Variants in SNX13 observed in about 807,000 individuals in gnomAD.
SNX13 encodes sorting nexin 13, also known as sorting nexin-13.
SNX13 carries 45 observed loss-of-function variants against 133.6 expected under a neutral mutation model. That is an observed-to-expected ratio of 0.34 (90% CI 0.27 to 0.43). SNX13 has a LOEUF of 0.43. Ranked by LOEUF, SNX13 falls within the 20% of genes least tolerant of loss-of-function variation. The pLI, the probability that SNX13 is intolerant of heterozygous loss-of-function variation, is 1.00. For missense variants in SNX13, 1,032 were observed against 1,145.1 expected (o/e 0.90, Z 1.43); for synonymous variants, 414 against 373.9 (o/e 1.11, Z -1.24).
chr7:17,937,635 A>T (rs910942900), intron 1 of SNX13, among the ~76,000 whole-genome samples: 5 of 150,018 alleles, frequency 3.3e-5, no homozygotes, highest in African/African-American at 1.2e-4. Context: ...CACCTTGGTT[A>T]AAAAAAAATA....
intron 1 of SNX13, among the ~76,000 whole-genome samples, chr7:17,913,946 T>G (rs1472220526): frequency 1.3e-5 from 2 of 151,830 alleles, no homozygotes; most frequent in Non-Finnish European, 2.9e-5. Context: ...AGAATATATA[T>G]GGAGCAAAGA....
At chr7:17,893,262 A>G in intron 3 of SNX13, 70 bp downstream of exon 3, 2 of 1,044,068 alleles carry the variant, frequency 1.9e-6, no homozygotes, top group Admixed American at 2.2e-5. Context: ...CGCTATATAT[A>G]CAGATGATTA....
intron 8 of SNX13, 139 bp from the exon 9 acceptor site, chr7:17,868,629 T>C: frequency 3.2e-6 from 2 of 617,788 alleles, no homozygotes; most frequent in South Asian, 2.3e-5. Context: ...CAACACAGTC[T>C]TATAAAAAGA....
intron 20 of SNX13, among the ~76,000 whole-genome samples, chr7:17,813,106 A>T (rs1461122637): frequency 6.6e-6 from 1 of 152,190 alleles, no homozygotes; most frequent in Non-Finnish European, 1.5e-5. Context: ...CCAAGTACTT[A>T]AAGTATAAAA....
At chr7:17,844,424 T>C (rs1388283808) in intron 12 of SNX13, among the ~76,000 whole-genome samples, 2 of 151,966 alleles carry the variant, frequency 1.3e-5, no homozygotes. Context: ...AAATCGTCAA[T>C]AAAGAAAAGA....
chr7:17,902,212 A>C (rs1179903554), intron 1 of SNX13, among the ~76,000 whole-genome samples: 2 of 150,336 alleles, frequency 1.3e-5, no homozygotes, highest in Non-Finnish European at 3.0e-5. Context: ...GTGATAATTT[A>C]ACAGTGAAAA....
At chr7:17,805,320 G>C (rs892621723) in intron 20 of SNX13, among the ~76,000 whole-genome samples, 1 of 150,166 alleles carries the variant, frequency 6.7e-6, no homozygotes, top group Non-Finnish European at 1.5e-5. Context: ...TGGTCAACCA[G>C]AATAGTATGT....
chr7:17,930,636 T>C (rs551994377), intron 1 of SNX13, among the ~76,000 whole-genome samples: 1 of 152,360 alleles, frequency 6.6e-6, no homozygotes, highest in East Asian at 1.9e-4. Context: ...ATGCAACCAA[T>C]ACTCACTATT....
chr7:17,893,582 C>G, intron 2 of SNX13, 148 bp from the exon 3 acceptor site: 1 of 598,424 alleles, frequency 1.7e-6, no homozygotes, highest in Non-Finnish European at 2.9e-6. Context: ...AAGAAATTGA[C>G]AGATTGTATT....
At position 17,868,480 on chromosome 7, in the gene SNX13, G is replaced by A. The variant is rs1168250349; in HGVS notation, c.764C>T (p.Ala255Val). 1.9e-6 allele frequency: 3 copies of A among 1,604,580 alleles called. No homozygotes were observed. The highest frequency in any genetic ancestry group is 8.5e-7 in the Non-Finnish European group (1 of 1,176,090). ...IMRYFVREILARGILLPLINQ... is the reference protein window; with the variant it reads ...IMRYFVREILVRGILLPLINQ... ...TATTAATGGAAGAAGAATTCCTCGT[G>A]CAAGGATTTCCTGAAAAAAAAGTAA... The change falls in exon 9 of 26, where the codon GCA becomes GTA. Residue 255 changes from alanine to valine, a missense_variant. Physicochemically the swap from Ala to Val is moderately conservative, Grantham distance 64. Transcript: ENST00000428135.
intron 20 of SNX13, among the ~76,000 whole-genome samples, chr7:17,807,869 A>G (rs866882321): frequency 6.8e-6 from 1 of 148,034 alleles, no homozygotes; most frequent in Non-Finnish European, 1.5e-5. Flanking sequence ...GAGGGGCCTG[A>G]TTGTTAGAAG....
At chr7:17,796,703 A>G in intron 25 of SNX13, 124 bp downstream of exon 25, 3 of 686,996 alleles carry the variant, frequency 4.4e-6, no homozygotes, top group South Asian at 3.3e-5. Flanking sequence ...ACAGTGCCTG[A>G]TATGTATTAA....
At chr7:17,816,376 T>G in intron 18 of SNX13, 87 bp from the exon 19 acceptor site, 1 of 1,440,300 alleles carries the variant, frequency 6.9e-7, no homozygotes, top group Non-Finnish European at 9.2e-7. Flanking sequence ...TAAAAACATC[T>G]TCAGGCCAGG....
At chr7:17,885,542 G>A (rs1338508691) in intron 5 of SNX13, among the ~76,000 whole-genome samples, 1 of 152,112 alleles carries the variant, frequency 6.6e-6, no homozygotes, top group African/African-American at 2.4e-5. Flanking sequence ...TTATAAAAAC[G>A]TTAGGCTGGG....
At chr7:17,814,616 A>T (rs1464680097) in intron 20 of SNX13, among the ~76,000 whole-genome samples, 2 of 152,008 alleles carry the variant, frequency 1.3e-5, no homozygotes, top group Non-Finnish European at 2.9e-5. Context: ...CAAATTTTTT[A>T]TTTCTTCCTT....
intron 1 of SNX13, among the ~76,000 whole-genome samples, chr7:17,914,094 G>A (rs922032379): frequency 2.1e-5 from 3 of 145,858 alleles, no homozygotes; most frequent in African/African-American, 7.7e-5. Flanking sequence ...AAATACAGTT[G>A]GAAGCCTTAG....
At chr7:17,925,468 G>A (rs1800644216) in intron 1 of SNX13, among the ~76,000 whole-genome samples, 1 of 152,056 alleles carries the variant, frequency 6.6e-6, no homozygotes, top group South Asian at 2.1e-4. Context: ...ACAACCCAGA[G>A]AAGTAAAATA....
At chr7:17,915,546 T>C (rs568456169) in intron 1 of SNX13, among the ~76,000 whole-genome samples, 6 of 152,292 alleles carry the variant, frequency 3.9e-5, no homozygotes, top group East Asian at 3.9e-4. Flanking sequence ...GGCTGCCTCC[T>C]CTGACTGTGG....
chr7:17,799,375 T>G (rs73079338), intron 22 of SNX13, among the ~76,000 whole-genome samples: 3,415 of 151,810 alleles, frequency 0.022, 60 homozygotes, highest in Middle Eastern at 0.055. Context: ...GAATAAATTT[T>G]AAGGCTATAG....
Sources: gnomAD v4.1 joint callset for allele counts (sites outside exome capture counted in the v4.1 genomes callset) on GRCh38, gnomAD v4.1.1 for gene constraint, MANE v1.5 for transcripts, NCBI Gene and HGNC (gene_info 2026-07-23, HGNC 2026-07-21) for gene names.